Variants in KCNMA1 observed in about 807,000 individuals in gnomAD.
The protein encoded by KCNMA1 is Calcium-activated potassium channel subunit alpha-1.
Under a neutral mutation model 140.0 loss-of-function variants are expected in KCNMA1, and 29 were observed. The ratio of observed to expected loss-of-function variants is 0.21; its 90% confidence interval spans 0.15 to 0.28. The LOEUF is 0.28. Ranked by LOEUF, KCNMA1 falls within the 10% of genes least tolerant of loss-of-function variation. The probability of loss-of-function intolerance (pLI) is 1.00; values close to 1 mark genes in which losing one functional copy is unlikely to be tolerated. For synonymous variants in KCNMA1, 612 were observed against 611.9 expected (o/e 1.00, Z 0.00); for missense variants, 880 against 1,602.2 (o/e 0.55, Z 7.70).
chr10:77,370,691 A>AG (rs1454549552), intron 2 of KCNMA1, among the ~76,000 whole-genome samples: 1 of 152,182 alleles, frequency 6.6e-6, no homozygotes, highest in African/African-American at 2.4e-5. Flanking sequence ...GACCTATCCA[A>AG]GTTCACACAA....
At position 76,916,006 on chromosome 10, in the gene KCNMA1, T is replaced by C. The variant is rs1471757272; in HGVS notation, c.2903-957A>G. Among the ~76,000 whole-genome samples the C allele has an allele frequency of 4.0e-5, 6 of 148,182 alleles. No homozygotes were observed. The East Asian group carries it at 1.2e-3, about 29-fold the overall frequency. Reference sequence around the variant, plus strand: ...TCAGGATTTCTCCCTATGTGAGATTTTATACACATAAACACACACACACAC... The same window carrying C: ...TCAGGATTTCTCCCTATGTGAGATTCTATACACATAAACACACACACACAC... On this transcript the variant is annotated intron_variant, in intron 23 of 27. Transcript: ENST00000286628.
At chr10:77,265,519 G>A (rs1029919052) in intron 2 of KCNMA1, among the ~76,000 whole-genome samples, 1 of 152,114 alleles carries the variant, frequency 6.6e-6, no homozygotes, top group African/African-American at 2.4e-5. Context: ...AACTGTTTAG[G>A]TATGTGCCAT....
At chr10:76,971,734 G>T (rs1034116798) in intron 19 of KCNMA1, among the ~76,000 whole-genome samples, 1 of 152,092 alleles carries the variant, frequency 6.6e-6, no homozygotes, top group African/African-American at 2.4e-5. Flanking sequence ...GGATGATATC[G>T]CATCTTATCA....
intron 24 of KCNMA1, chr10:76,911,424 T>TC (rs2050189048): frequency 6.6e-6 from 1 of 152,218 alleles, no homozygotes; most frequent in Non-Finnish European, 1.5e-5. Flanking sequence ...AAGTCCAAAA[T>TC]CCAGGCTCTG....
chr10:76,878,031 G>A, intron 29 of KCNMA1: 1 of 803,228 alleles, frequency 1.2e-6, no homozygotes, highest in Admixed American at 2.0e-5. Flanking sequence ...TGCTAAGAGA[G>A]ACAGTGCAGT....
chr10:77,476,926 C>T (rs922131743), intron 1 of KCNMA1, among the ~76,000 whole-genome samples: 2 of 151,976 alleles, frequency 1.3e-5, no homozygotes, highest in African/African-American at 4.8e-5. Flanking sequence ...GTCAAAAACA[C>T]AGAAATAAAT....
chr10:77,057,044 C>T (rs1594923038), intron 14 of KCNMA1, among the ~76,000 whole-genome samples: 1 of 152,120 alleles, frequency 6.6e-6, no homozygotes, highest in South Asian at 2.1e-4. Context: ...ACTTCTTTAA[C>T]TTCCCCAGAG....
intron 1 of KCNMA1, among the ~76,000 whole-genome samples, chr10:77,524,743 G>C (rs1029187775): frequency 1.5e-4 from 23 of 152,264 alleles, no homozygotes; most frequent in African/African-American, 5.5e-4. Context: ...TTATCTATCA[G>C]CTACCTCCCC....
chr10:77,490,201 G>A (rs748652831), intron 1 of KCNMA1, among the ~76,000 whole-genome samples: 5 of 152,110 alleles, frequency 3.3e-5, no homozygotes, highest in Admixed American at 6.5e-5. Context: ...TTTAACAGTC[G>A]AGAATTATTG....
intron 5 of KCNMA1, among the ~76,000 whole-genome samples, chr10:77,172,832 C>T (rs2154103816): frequency 6.6e-6 from 1 of 152,244 alleles, no homozygotes; most frequent in African/African-American, 2.4e-5. Flanking sequence ...CGGAATGTCC[C>T]AGATCAAGGC....
At chr10:77,137,687 C>T (rs2098076687) in intron 5 of KCNMA1, among the ~76,000 whole-genome samples, 2 of 152,218 alleles carry the variant, frequency 1.3e-5, no homozygotes, top group Admixed American at 1.3e-4. Context: ...TTTGTTCCCA[C>T]AGTCAGAATG....
intron 3 of KCNMA1, among the ~76,000 whole-genome samples, chr10:77,208,340 C>T (rs902120262): frequency 6.6e-6 from 1 of 152,130 alleles, no homozygotes. Flanking sequence ...AACCTGTATG[C>T]AGAGCCAGGC....
intron 2 of KCNMA1, among the ~76,000 whole-genome samples, chr10:77,271,221 T>C (rs1438205535): frequency 1.3e-5 from 2 of 152,228 alleles, no homozygotes; most frequent in African/African-American, 4.8e-5. Flanking sequence ...AGTTCCTCAG[T>C]TGCACTGGCT....
chr10:76,984,743 T>C (rs563495331), intron 19 of KCNMA1, among the ~76,000 whole-genome samples: 99 of 152,270 alleles, frequency 6.5e-4, no homozygotes, highest in South Asian at 4.8e-3. Context: ...AGTTACCTTT[T>C]AAAAACAGTA....
chr10:76,885,848 A>C lies in KCNMA1; in HGVS notation c.*1418T>G. ...CTTACTAAGTGTTAAAAAAGAAAGA[A>C]AACAAAAGAAGAAAAAAATAACTAT... On this transcript the variant is annotated 3_prime_UTR_variant, in exon 28 of 28. Coordinates refer to ENST00000286628, the MANE Select transcript of KCNMA1 (RefSeq NM_001161352.2). 2 of 985,234 alleles carry C rather than the reference A, an allele frequency of 2.0e-6. No individual in the cohort carries two copies. Among genetic ancestry groups the C allele is most frequent in the Non-Finnish European group, 2.4e-6 (2 of 829,742 alleles). 61.0% of individuals were successfully genotyped at this position (985,234 alleles called of 1,614,324 possible).
chr10:77,129,104 C>T (rs980617969), intron 5 of KCNMA1, among the ~76,000 whole-genome samples: 3 of 152,166 alleles, frequency 2.0e-5, no homozygotes, highest in Non-Finnish European at 4.4e-5. Context: ...AATTCTGATT[C>T]GAGTGTGCAG....
rs143857078 is a variant in KCNMA1 at position 76,941,323 on chromosome 10, C to T, written c.2902+3450G>A. 3.3e-5 allele frequency among the ~76,000 whole-genome samples: 5 copies of T among 152,328 alleles called. No individual in the cohort carries two copies. In the East Asian group the frequency reaches 9.7e-4, roughly 29 times the overall value. On this transcript the variant is annotated intron_variant, in intron 23 of 27. Transcript: ENST00000286628. ...CCCAGATGAAGGATGACAAAAGTAT[C>T]TCAGGCCAGTGGGCACTCCAGTTAG...
chr10:77,047,878 T>C (rs886534388), intron 14 of KCNMA1, among the ~76,000 whole-genome samples: 1 of 152,238 alleles, frequency 6.6e-6, no homozygotes, highest in East Asian at 1.9e-4. Flanking sequence ...AACCCCAGAA[T>C]AGTTCAGCTT....
chr10:77,465,252 T>A (rs1437795223), intron 1 of KCNMA1, among the ~76,000 whole-genome samples: 1 of 152,162 alleles, frequency 6.6e-6, no homozygotes, highest in Non-Finnish European at 1.5e-5. Context: ...GAAGGACACT[T>A]AAGGCTGGAG....
Sources: allele counts gnomAD v4.1 joint callset (sites outside exome capture counted in the v4.1 genomes callset), GRCh38; gene constraint gnomAD v4.1.1; transcripts MANE v1.5; gene names NCBI Gene and HGNC (gene_info 2026-07-23, HGNC 2026-07-21).